NPAS3: variants seen among roughly 807,000 people sequenced by gnomAD.
NPAS3 encodes the protein neuronal PAS domain protein 3.
Under a neutral mutation model 73.1 loss-of-function variants are expected in NPAS3, and 14 were observed. That is an observed-to-expected ratio of 0.19 (90% confidence interval 0.13 to 0.30). The LOEUF is 0.30. NPAS3 is among the 10% of genes least tolerant of loss of function. The pLI is 1.00. For missense variants in NPAS3, 1,096 were observed against 1,250.0 expected, an observed-to-expected ratio of 0.88 and a Z score of 1.86; for synonymous variants, 620 against 541.5, an observed-to-expected ratio of 1.14 and a Z score of -2.01.
rs1386369963 is a variant in NPAS3, at chr14:33,718,254, AT to A, written c.734-16955del. Among the ~76,000 whole-genome samples the A allele has an allele frequency of 3.3e-5, 5 of 150,950 alleles. No homozygotes were observed. In the East Asian group the frequency reaches 9.8e-4, roughly 30 times the overall value. Reference sequence around the variant, plus strand: ...CACTTTGTCTGTGTAATTTTTATGTATTTTTCTCATCCCTTAATCCTTTGTC... The same window carrying A: ...CACTTTGTCTGTGTAATTTTTATGTATTTTCTCATCCCTTAATCCTTTGTC... On this transcript the variant is annotated intron_variant, in intron 6 of 11. Coordinates refer to ENST00000356141, the Ensembl canonical transcript of NPAS3.
chr14:33,780,658 A>T, intron 9 of NPAS3: 2 of 455,052 alleles, frequency 4.4e-6, no homozygotes, highest in South Asian at 3.1e-5. Flanking sequence ...CCTCAGGAAC[A>T]GTGAGCGAGG....
chr14:33,375,595 A>G (rs1212071315), intron 4 of NPAS3, among the ~76,000 whole-genome samples: 1 of 152,198 alleles, frequency 6.6e-6, no homozygotes, highest in Non-Finnish European at 1.5e-5. Flanking sequence ...CTATAAAACA[A>G]TCAAAAGTAG....
At chr14:33,320,875 A>G (rs751097219) in intron 3 of NPAS3, among the ~76,000 whole-genome samples, 4 of 151,306 alleles carry the variant, frequency 2.6e-5, no homozygotes, top group Non-Finnish European at 5.9e-5. Flanking sequence ...AGATGTATAC[A>G]CCTCAAAAAA....
intron 2 of NPAS3, among the ~76,000 whole-genome samples, chr14:33,067,258 AAG>A (rs2041313404): frequency 6.6e-6 from 1 of 152,220 alleles, no homozygotes; most frequent in Non-Finnish European, 1.5e-5. Flanking sequence ...GCAAAAGAAG[AAG>A]ACCCTAAGGA....
At chr14:33,693,281 C>T (rs2060283190) in intron 6 of NPAS3, among the ~76,000 whole-genome samples, 1 of 152,172 alleles carries the variant, frequency 6.6e-6, no homozygotes, top group Non-Finnish European at 1.5e-5. Context: ...AAATAATCAA[C>T]TGTTATGACC....
chr14:33,012,695 C>A (rs977558208), intron 1 of NPAS3, among the ~76,000 whole-genome samples: 2 of 151,986 alleles, frequency 1.3e-5, no homozygotes, highest in Non-Finnish European at 2.9e-5. Flanking sequence ...ATTACAGGCG[C>A]CCGCCACCAC....
chr14:33,128,568 A>G (rs1405541471), intron 2 of NPAS3, among the ~76,000 whole-genome samples: 3 of 152,202 alleles, frequency 2.0e-5, no homozygotes, highest in African/African-American at 7.2e-5. Flanking sequence ...ATATTTTTAT[A>G]AAAGTAGTGA....
intron 2 of NPAS3, among the ~76,000 whole-genome samples, chr14:33,181,829 G>A (rs1263074048): frequency 6.6e-6 from 1 of 152,114 alleles, no homozygotes; most frequent in Non-Finnish European, 1.5e-5. Context: ...TTTACTGCAT[G>A]TAAATAAATG....
At chr14:33,536,545 C>A (rs1357576691) in intron 4 of NPAS3, among the ~76,000 whole-genome samples, 2 of 152,128 alleles carry the variant, frequency 1.3e-5, no homozygotes, top group African/African-American at 4.8e-5. Flanking sequence ...GATGCATGGG[C>A]TTTAGCTATG....
chr14:33,765,566 C>T (rs977412049), intron 7 of NPAS3, among the ~76,000 whole-genome samples: 1 of 152,148 alleles, frequency 6.6e-6, no homozygotes, highest in Admixed American at 6.5e-5. Context: ...TGCCCTGATC[C>T]CACATCAGCC....
chr14:33,012,617 C>G (rs898221867), intron 1 of NPAS3, among the ~76,000 whole-genome samples: 4 of 151,474 alleles, frequency 2.6e-5, no homozygotes, highest in Admixed American at 1.3e-4. Flanking sequence ...GGCGCGATCT[C>G]GGCTCACTGC....
intron 4 of NPAS3, among the ~76,000 whole-genome samples, chr14:33,518,065 A>G (rs1460584505): frequency 6.6e-6 from 1 of 152,154 alleles, no homozygotes; most frequent in Non-Finnish European, 1.5e-5. Flanking sequence ...AAAAGATGAT[A>G]TGACTAACTT....
intron 2 of NPAS3, among the ~76,000 whole-genome samples, chr14:33,090,013 A>C (rs2042170466): frequency 6.6e-6 from 1 of 152,252 alleles, no homozygotes; most frequent in Non-Finnish European, 1.5e-5. Flanking sequence ...AAACATGGAA[A>C]GGAACAACCA....
chr14:33,493,064 A>G lies in NPAS3; in HGVS notation c.469-67057A>G, dbSNP rs1337018818. Among the ~76,000 whole-genome samples, 3 of 152,256 alleles carry G rather than the reference A, an allele frequency of 2.0e-5. No homozygotes were observed. The East Asian group carries it at 5.8e-4, about 30-fold the overall frequency. ...AGGGGAGTTTTACAATTAAAGTTAC[A>G]TTCTCACTGCGTGAGCTTTGTGCGC... On this transcript the variant is annotated intron_variant, in intron 4 of 11. Coordinates refer to ENST00000356141, the Ensembl canonical transcript of NPAS3.
chr14:33,499,002 G>A (rs1013045252), intron 4 of NPAS3, among the ~76,000 whole-genome samples: 1 of 145,914 alleles, frequency 6.9e-6, no homozygotes, highest in African/African-American at 2.5e-5. Context: ...TGGGAAGGGG[G>A]GTGTATAGAC....
intron 4 of NPAS3, among the ~76,000 whole-genome samples, chr14:33,443,537 T>C (rs1474796656): frequency 1.3e-5 from 2 of 152,158 alleles, no homozygotes; most frequent in South Asian, 4.1e-4. Context: ...ATGACATGCC[T>C]GGAGGTGCTC....
intron 4 of NPAS3, among the ~76,000 whole-genome samples, chr14:33,390,656 G>A (rs1325353511): frequency 6.6e-6 from 1 of 152,092 alleles, no homozygotes; most frequent in Non-Finnish European, 1.5e-5. Flanking sequence ...CCATCTAAAT[G>A]CATTTTCCTT....
At chr14:33,604,998 TA>T (rs1299072537) in intron 5 of NPAS3, among the ~76,000 whole-genome samples, 1 of 151,488 alleles carries the variant, frequency 6.6e-6, no homozygotes, top group Non-Finnish European at 1.5e-5. Context: ...TGTTTGAAAA[TA>T]AGAAATTAGC....
In NPAS3 at chr14:33,284,764, ATATCTATCTATCTATCTATCTATCTATC is replaced by A. The variant is rs71118536; in HGVS notation, c.385+69362_385+69389del. On this transcript the variant is annotated intron_variant, in intron 3 of 11. Coordinates refer to ENST00000356141, the Ensembl canonical transcript of NPAS3. Reference sequence around the variant, plus strand: ...ATTTCATATCTATATATCTATATCTATATCTATCTATCTATCTATCTATCTATCTATCTATCTATCTATCTATCTATAT... The same window carrying A: ...ATTTCATATCTATATATCTATATCTATATCTATCTATCTATCTATCTATAT... Among the ~76,000 whole-genome samples, 39 of 148,792 alleles carry A rather than the reference ATATCTATCTATCTATCTATCTATCTATC, an allele frequency of 2.6e-4. No homozygotes were observed. The East Asian group carries it at 5.0e-3, about 19-fold the overall frequency.
Sources: gnomAD v4.1 joint callset for allele counts (sites outside exome capture counted in the v4.1 genomes callset) on GRCh38, gnomAD v4.1.1 for gene constraint, MANE v1.5 for transcripts, NCBI Gene and HGNC (gene_info 2026-07-23, HGNC 2026-07-21) for gene names.